Variants in AGR3 observed in about 807,000 individuals in gnomAD.
AGR3 encodes the protein anterior gradient protein 3.
A neutral mutation model predicts 24.5 loss-of-function variants in AGR3; 37 were observed. That is an observed-to-expected ratio of 1.51 (90% CI 1.16 to 1.99). The LOEUF is 1.99. AGR3 is among the 30% of genes most tolerant of loss of function. AGR3 has a pLI of 0.00. For missense variants in AGR3, 228 were observed against 191.1 expected, an observed-to-expected ratio of 1.19 and a Z score of -1.14; for synonymous variants, 75 against 61.6, an observed-to-expected ratio of 1.22 and a Z score of -1.02.
Position 16,873,832 on chromosome 7 carries a change from C to G in AGR3, c.121G>C (p.Asp41His), listed in dbSNP as rs765467049. ...TCATAAGTTTGTACCCAAGTGATGT[C>G]ATCTCCCCATCCTGAAATAGAAGAG... ...PQTLSRGWGD[D>H]ITWVQTYEEG... Residue 41 changes from aspartate to histidine, a missense_variant, in exon 3 of 8, where the codon GAC becomes CAC. Transcript: ENST00000310398. The G allele has an allele frequency of 8.7e-6, 14 of 1,612,554 alleles. No individual in the cohort carries two copies. Among genetic ancestry groups the G allele is most frequent in the Non-Finnish European group, 1.2e-5 (14 of 1,179,014 alleles).
intron 1 of AGR3, among the ~76,000 whole-genome samples, chr7:16,879,296 GAGA>G (rs1441324334): frequency 1.3e-5 from 2 of 152,142 alleles, no homozygotes; most frequent in Non-Finnish European, 2.9e-5. Flanking sequence ...CATATGTATA[GAGA>G]AGAATAGACT....
In AGR3 at chr7:16,859,635, A is replaced by G. The variant is rs1455116332; in HGVS notation, c.452-4T>C. 2.0e-6 allele frequency: 3 copies of G among 1,483,484 alleles called. No individual in the cohort carries two copies. Among genetic ancestry groups the G allele is most frequent in the Non-Finnish European group, 2.8e-6 (3 of 1,081,052 alleles). 91.9% of individuals were successfully genotyped at this position (1,483,484 alleles called of 1,614,324 possible). ...GCTTTCTTCATGTTTTCTATCACTGAAATAAGAGTTAATATATATTATGCT... is the reference window on the plus strand; with the variant it reads ...GCTTTCTTCATGTTTTCTATCACTGGAATAAGAGTTAATATATATTATGCT... On this transcript the variant is annotated splice_polypyrimidine_tract_variant and splice_region_variant and intron_variant, in intron 7 of 7. Transcript: ENST00000310398.
rs905699874 is a variant in AGR3, at chr7:16,863,855, G to T, written c.174-1193C>A. 2.0e-5 allele frequency among the ~76,000 whole-genome samples: 3 copies of T among 151,828 alleles called. No homozygotes were observed. In the East Asian group the frequency reaches 5.8e-4, roughly 29 times the overall value. ...ATTTGTACACTTATTTGCTAAACAT[G>T]CTTTTTTTTTAAGGCACGCAGTTTC... On this transcript the variant is annotated intron_variant, in intron 3 of 7. Coordinates refer to ENST00000310398, the MANE Select transcript of AGR3 (RefSeq NM_176813.5).
chr7:16,855,618 A>G (rs1781547562), downstream of AGR3, among the ~76,000 whole-genome samples: 1 of 152,212 alleles, frequency 6.6e-6, no homozygotes, highest in Non-Finnish European at 1.5e-5. Context: ...TCTGCTCCCA[A>G]GGACTTTCCA....
At chr7:16,866,361 T>C in intron 3 of AGR3, 3 of 350,814 alleles carry the variant, frequency 8.6e-6, no homozygotes, top group Non-Finnish European at 1.8e-5. Context: ...TACATTAAAC[T>C]ATAATTCACC....
chr7:16,877,678 A>C (rs1299026692), intron 2 of AGR3, among the ~76,000 whole-genome samples: 1 of 151,946 alleles, frequency 6.6e-6, no homozygotes, highest in Non-Finnish European at 1.5e-5. Context: ...CCTGGCTAAC[A>C]CGGTGAAACC....
intron 3 of AGR3, among the ~76,000 whole-genome samples, chr7:16,863,247 T>C (rs771056663): frequency 6.6e-6 from 1 of 152,220 alleles, no homozygotes; most frequent in African/African-American, 2.4e-5. Context: ...AGGGTTATTA[T>C]GAACAATGTA....
chr7:16,867,837 T>C (rs1489606906), intron 3 of AGR3, among the ~76,000 whole-genome samples: 1 of 152,188 alleles, frequency 6.6e-6, no homozygotes, highest in Admixed American at 6.6e-5. Flanking sequence ...AGTGCAGATA[T>C]CTCTTAGACA....
At chr7:16,863,856 C>G (rs545975412) in intron 3 of AGR3, among the ~76,000 whole-genome samples, 2 of 150,706 alleles carry the variant, frequency 1.3e-5, no homozygotes, top group Non-Finnish European at 3.0e-5. Flanking sequence ...GCTAAACATG[C>G]TTTTTTTTTA....
At chr7:16,870,428 ATTGT>A (rs1781843298) in intron 3 of AGR3, among the ~76,000 whole-genome samples, 1 of 151,928 alleles carries the variant, frequency 6.6e-6, no homozygotes, top group African/African-American at 2.4e-5. Context: ...AATGTTAGTA[ATTGT>A]TGTGGTTGTA....
At position 16,873,798 on chromosome 7, in the gene AGR3, A is replaced by G. The variant is rs768224821; in HGVS notation, c.155T>C (p.Leu52Pro). The part of the protein sequence containing the change: ...ITWVQTYEEG[L>P]FYAQKSKKPL... The stretch of plus-strand genomic sequence containing the variant: ...ATGTTACCTTTTTTGAGCATAAAAG[A>G]GACCTTCTTCATAAGTTTGTACCCA... Residue 52 changes from leucine to proline, a missense_variant, in exon 3 of 8, where the codon CTC (leucine) becomes CCC (proline). By Grantham distance (98) the Leu-to-Pro change is moderately conservative. Coordinates refer to ENST00000310398, the MANE Select transcript of AGR3 (RefSeq NM_176813.5). The G allele has an allele frequency of 5.6e-6, 9 of 1,613,048 alleles. No individual in the cohort carries two copies. In the South Asian group the frequency reaches 9.9e-5, roughly 18 times the overall value.
In AGR3 at chr7:16,863,077, C is replaced by A. The variant is rs4443560; in HGVS notation, c.174-415G>T. 3.3e-5 allele frequency among the ~76,000 whole-genome samples: 5 copies of A among 152,212 alleles called. No individual in the cohort carries two copies. In the East Asian group the frequency reaches 9.7e-4, roughly 30 times the overall value. On this transcript the variant is annotated intron_variant, in intron 3 of 7. Transcript: ENST00000310398. ...AGAGCGAGACTCTGTCTCAAACAGA[C>A]AAACAAACAAAAAACCAAAGGCTTC...
intron 3 of AGR3, 87 bp downstream of exon 3, chr7:16,873,693 C>T: frequency 2.0e-6 from 2 of 993,000 alleles, no homozygotes; most frequent in Non-Finnish European, 1.6e-6. Flanking sequence ...CATGTATCAG[C>T]ATATCACTCT....
intron 7 of AGR3, 66 bp downstream of exon 7, chr7:16,860,434 C>T: frequency 1.7e-6 from 2 of 1,189,902 alleles, no homozygotes; most frequent in Non-Finnish European, 1.3e-6. Context: ...TAGGGCTTCA[C>T]TAGCCCTTAA....
chr7:16,856,666 C>G (rs1015261985), downstream of AGR3, among the ~76,000 whole-genome samples: 2 of 152,156 alleles, frequency 1.3e-5, no homozygotes, highest in Admixed American at 1.3e-4. Flanking sequence ...CATTAAAATG[C>G]TTTGCACATA....
chr7:16,857,125 T>C (rs1781564576), downstream of AGR3, among the ~76,000 whole-genome samples: 1 of 152,020 alleles, frequency 6.6e-6, no homozygotes, highest in African/African-American at 2.4e-5. Context: ...CAGTAGCACA[T>C]GCCACTGCAC....
downstream of AGR3, among the ~76,000 whole-genome samples, chr7:16,857,693 G>C (rs1460320993): frequency 2.0e-5 from 3 of 152,220 alleles, no homozygotes; most frequent in South Asian, 2.1e-4. Context: ...ATATTCTTTT[G>C]TAAATAAATA....
At chr7:16,873,716 T>G in intron 3 of AGR3, 64 bp downstream of exon 3, 1 of 1,243,178 alleles carries the variant, frequency 8.0e-7, no homozygotes, top group South Asian at 1.2e-5. Context: ...ATTCCATAAA[T>G]ATGTACAATT....
intron 2 of AGR3, among the ~76,000 whole-genome samples, chr7:16,875,720 C>G (rs1210002789): frequency 6.6e-6 from 1 of 152,084 alleles, no homozygotes; most frequent in African/African-American, 2.4e-5. Flanking sequence ...TTTATATACT[C>G]ACCAGCAACA....
Sources: gnomAD v4.1 joint callset for allele counts (sites outside exome capture counted in the v4.1 genomes callset) on GRCh38, gnomAD v4.1.1 for gene constraint, MANE v1.5 for transcripts, NCBI Gene and HGNC (gene_info 2026-07-23, HGNC 2026-07-21) for gene names.